The following BABAM2 variants were observed in gnomAD, a reference collection of about 807,000 sequenced individuals.
BABAM2 encodes BRISC and BRCA1-A complex member 2.
BABAM2 carries 31 observed loss-of-function variants against 54.7 expected under a neutral mutation model. That is an observed-to-expected ratio of 0.57 (90% CI 0.43 to 0.77). The LOEUF is 0.77. BABAM2 is among the 30% of genes least tolerant of loss of function. The pLI is 0.00. For synonymous variants in BABAM2, 167 were observed against 162.9 expected (o/e 1.03, Z -0.19); for missense variants, 364 against 455.8 (o/e 0.80, Z 1.83).
At chr2:28,232,749 G>T (rs1032725251) in intron 7 of BABAM2, among the ~76,000 whole-genome samples, 1 of 152,112 alleles carries the variant, frequency 6.6e-6, no homozygotes, top group Non-Finnish European at 1.5e-5. Context: ...TCATATATGG[G>T]GTCCATCATT....
intron 2 of BABAM2, among the ~76,000 whole-genome samples, chr2:27,909,636 A>T (rs1666436191): frequency 6.6e-6 from 1 of 152,128 alleles, no homozygotes; most frequent in South Asian, 2.1e-4. Flanking sequence ...TGTTAGCATC[A>T]TCTTTCTGTG....
intron 3 of BABAM2, among the ~76,000 whole-genome samples, chr2:27,947,094 GCT>G (rs1025601434): frequency 6.6e-6 from 1 of 151,516 alleles, no homozygotes; most frequent in Admixed American, 6.6e-5. Context: ...ATTGTTTTCT[GCT>G]CTTTGTTTAT....
chr2:28,328,844 G>A (rs765352829), intron 11 of BABAM2, among the ~76,000 whole-genome samples: 2 of 152,112 alleles, frequency 1.3e-5, no homozygotes, highest in Non-Finnish European at 1.5e-5. Flanking sequence ...ACTGCCTTAG[G>A]TGCTCTCTCC....
At chr2:28,082,113 A>G (rs60748419) in intron 6 of BABAM2, among the ~76,000 whole-genome samples, 39 of 72,284 alleles carry the variant, frequency 5.4e-4, no homozygotes, top group African/African-American at 1.7e-3. Context: ...GCTATGGGGG[A>G]AAAAAAACAA....
intron 11 of BABAM2, among the ~76,000 whole-genome samples, chr2:28,321,902 T>C (rs1313140628): frequency 1.3e-5 from 2 of 151,622 alleles, no homozygotes; most frequent in African/African-American, 4.9e-5. Flanking sequence ...CATCTGCTTC[T>C]CAAGTTTAGC....
At chr2:27,970,220 CCTGA>C (rs1318564053) in intron 3 of BABAM2, among the ~76,000 whole-genome samples, 5 of 152,108 alleles carry the variant, frequency 3.3e-5, no homozygotes, top group African/African-American at 1.2e-4. Context: ...TCTGTTAGAT[CCTGA>C]CTAATTCCTG....
At chr2:28,133,492 C>A (rs903424443) in intron 7 of BABAM2, among the ~76,000 whole-genome samples, 4 of 152,206 alleles carry the variant, frequency 2.6e-5, no homozygotes, top group African/African-American at 9.7e-5. Flanking sequence ...AAGCCCCATG[C>A]AGTGCATTTG....
chr2:27,894,421 G>A (rs1261075320), intron 1 of BABAM2, 112 bp from the exon 2 acceptor site: 2 of 1,064,144 alleles, frequency 1.9e-6, no homozygotes, highest in Non-Finnish European at 2.8e-6. Context: ...GATGGGAAAT[G>A]AATTATTTAT....
intron 7 of BABAM2, among the ~76,000 whole-genome samples, chr2:28,215,511 A>G (rs1342295471): frequency 6.6e-6 from 1 of 152,226 alleles, no homozygotes; most frequent in Non-Finnish European, 1.5e-5. Context: ...ACACAGGGTT[A>G]TATGAAGTAC....
At chr2:28,277,988 T>C (rs1686022437) in intron 10 of BABAM2, among the ~76,000 whole-genome samples, 1 of 152,098 alleles carries the variant, frequency 6.6e-6, no homozygotes. Context: ...AGAAATCTGG[T>C]AGGTAGATAA....
At chr2:28,183,282 T>C (rs949112115) in intron 7 of BABAM2, among the ~76,000 whole-genome samples, 55 of 151,934 alleles carry the variant, frequency 3.6e-4, no homozygotes, top group African/African-American at 1.3e-3. Flanking sequence ...CTACTAAAAA[T>C]ACAAAAAAAT....
intron 7 of BABAM2, among the ~76,000 whole-genome samples, chr2:28,189,545 C>A (rs1376453710): frequency 1.3e-5 from 2 of 151,852 alleles, no homozygotes; most frequent in Admixed American, 6.6e-5. Context: ...AAAATAGCAT[C>A]AAAAATATGA....
intron 6 of BABAM2, among the ~76,000 whole-genome samples, chr2:28,064,231 G>A (rs545296750): frequency 1.3e-5 from 2 of 152,148 alleles, no homozygotes; most frequent in Non-Finnish European, 2.9e-5. Context: ...AAGTTACTTG[G>A]CACTGAATGG....
intron 6 of BABAM2, among the ~76,000 whole-genome samples, chr2:28,114,587 A>G (rs1450494156): frequency 6.6e-6 from 1 of 152,114 alleles, no homozygotes; most frequent in African/African-American, 2.4e-5. Flanking sequence ...GTTTTTCTTT[A>G]TTATGCTTGT....
chr2:27,931,448 T>G (rs1189237578), intron 3 of BABAM2, among the ~76,000 whole-genome samples: 5 of 152,170 alleles, frequency 3.3e-5, no homozygotes, highest in African/African-American at 4.8e-5. Context: ...TTTCTTGCCT[T>G]ATCAGTTTTA....
chr2:28,311,262 A>G (rs1689064697), intron 11 of BABAM2, among the ~76,000 whole-genome samples: 1 of 22,362 alleles, frequency 4.5e-5, no homozygotes, highest in African/African-American at 1.6e-4. Context: ...CCCTGTCTCA[A>G]AAAAAAAAAA....
chr2:28,176,903 A>G (rs935584024), intron 7 of BABAM2, among the ~76,000 whole-genome samples: 32 of 151,866 alleles, frequency 2.1e-4, no homozygotes, highest in African/African-American at 7.7e-4. Context: ...TGTATATGAC[A>G]TATGGGACAC....
intron 6 of BABAM2, among the ~76,000 whole-genome samples, chr2:28,124,157 A>T (rs1669302553): frequency 6.6e-6 from 1 of 152,226 alleles, no homozygotes; most frequent in South Asian, 2.1e-4. Flanking sequence ...TTCTGAAAGT[A>T]AATGTTATTT....
chr2:28,011,474 G>A (rs1311948314), intron 4 of BABAM2, among the ~76,000 whole-genome samples: 1 of 152,140 alleles, frequency 6.6e-6, no homozygotes, highest in Non-Finnish European at 1.5e-5. Context: ...GGACATTGGT[G>A]GTTTTAAGAC....
Sources: allele counts gnomAD v4.1 joint callset (sites outside exome capture counted in the v4.1 genomes callset), GRCh38; gene constraint gnomAD v4.1.1; transcripts MANE v1.5; gene names NCBI Gene and HGNC (gene_info 2026-07-23, HGNC 2026-07-21).